CC2D2B: variants seen among roughly 807,000 people sequenced by gnomAD.
The protein encoded by CC2D2B is protein CC2D2B.
A neutral mutation model predicts 161.2 loss-of-function variants in CC2D2B; 128 were observed. The observed-to-expected ratio is 0.79, with a 90% CI of 0.69 to 0.92. The LOEUF is 0.92. CC2D2B is among the 40% of genes least tolerant of loss of function. The probability of loss-of-function intolerance (pLI) is 0.00; values close to 1 mark genes in which losing one functional copy is unlikely to be tolerated. For missense variants in CC2D2B, 1,173 were observed against 1,375.1 expected (o/e 0.85, Z 2.32); for synonymous variants, 391 against 449.8 (o/e 0.87, Z 1.65).
chr10:96,006,433 T>A (rs2078752459), intron 25 of CC2D2B, among the ~76,000 whole-genome samples: 2 of 151,550 alleles, frequency 1.3e-5, no homozygotes, highest in Non-Finnish European at 2.9e-5. Flanking sequence ...TAATACTGTA[T>A]CTTCGCATTT....
rs1188123119 is a variant in CC2D2B at position 95,993,859 on chromosome 10, G to T, written c.2642+1162G>T. On this transcript the variant is annotated intron_variant, in intron 22 of 34. Coordinates refer to ENST00000646931, the MANE Select transcript of CC2D2B (RefSeq NM_001349008.3). ...GTATATATATATATATATAGAGAGA[G>T]AGAGAGAGAGAGTGTATATATATAT... Among the ~76,000 whole-genome samples the T allele has an allele frequency of 5.8e-4, 71 of 123,452 alleles. 1 individual carries two copies. Among genetic ancestry groups the T allele is most frequent in the African/African-American group, 1.6e-3 (49 of 30,294 alleles). The allele number at this position is 123,452 out of a possible 152,430, so 81.0% of individuals were successfully genotyped here. A position where few individuals can be genotyped will look rare whatever the true frequency, so the allele number is the denominator to read the frequency against.
chr10:96,027,162 C>A, intron 33 of CC2D2B, 50 bp from the exon 34 acceptor site: 1 of 1,256,486 alleles, frequency 8.0e-7, no homozygotes, highest in Non-Finnish European at 1.1e-6. Flanking sequence ...ATTATATTTA[C>A]CAAATGAGTT....
intron 3 of CC2D2B, among the ~76,000 whole-genome samples, chr10:95,922,953 TA>T (rs1256899649): frequency 9.7e-4 from 107 of 110,496 alleles, no homozygotes; most frequent in African/African-American, 3.7e-3. Context: ...GCATGTATGT[TA>T]TTTTTTTTTT....
chr10:95,938,566 A>G lies in CC2D2B; in HGVS notation c.536-3A>G. The G allele has an allele frequency of 1.5e-6, 1 of 687,106 alleles. No homozygotes were observed. Among genetic ancestry groups the G allele is most frequent in the African/African-American group, 1.8e-5 (1 of 55,272 alleles). The allele number at this position is 687,106 out of a possible 1,614,324, so 42.6% of individuals were successfully genotyped here. On this transcript the variant is annotated splice_polypyrimidine_tract_variant and splice_region_variant and intron_variant, in intron 7 of 34. Transcript: ENST00000646931. Reference sequence around the variant, plus strand: ...GTAATATCTAAGTTTTATTGTTATAAAGTGGTTAACCAGCGCAAACTGCCA... The same window carrying G: ...GTAATATCTAAGTTTTATTGTTATAGAGTGGTTAACCAGCGCAAACTGCCA...
At chr10:95,962,937 C>G (rs921283674) in intron 12 of CC2D2B, among the ~76,000 whole-genome samples, 1 of 152,078 alleles carries the variant, frequency 6.6e-6, no homozygotes, top group African/African-American at 2.4e-5. Context: ...AAAGAGGAGA[C>G]ACAGATGTCG....
intron 9 of CC2D2B, among the ~76,000 whole-genome samples, chr10:95,945,966 G>A (rs1314344495): frequency 6.6e-6 from 1 of 151,880 alleles, no homozygotes; most frequent in East Asian, 1.9e-4. Context: ...TGTATTTTTA[G>A]TAGAGATGGG....
At chr10:96,013,444 GT>G (rs1335769837) in intron 28 of CC2D2B, among the ~76,000 whole-genome samples, 1 of 150,088 alleles carries the variant, frequency 6.7e-6, no homozygotes, top group African/African-American at 2.4e-5. Context: ...TAAAGTACAT[GT>G]TTAATGTGGA....
intron 2 of CC2D2B, 96 bp from the exon 3 acceptor site, chr10:95,921,920 A>C: frequency 1.5e-6 from 1 of 666,740 alleles, no homozygotes; most frequent in Admixed American, 3.0e-5. Context: ...TGTTGTGCAC[A>C]TGTACCCTAG....
chr10:96,008,279 T>C (rs2078845393), intron 25 of CC2D2B, among the ~76,000 whole-genome samples: 1 of 151,998 alleles, frequency 6.6e-6, no homozygotes, highest in Non-Finnish European at 1.5e-5. Context: ...ATAGCAGTAT[T>C]CCATTGATAA....
intron 33 of CC2D2B, among the ~76,000 whole-genome samples, chr10:96,026,641 C>T (rs1000055967): frequency 2.0e-5 from 3 of 152,072 alleles, no homozygotes; most frequent in Non-Finnish European, 2.9e-5. Flanking sequence ...TGCCTACATA[C>T]GGGTAACTGG....
chr10:95,974,141 GATCTTCTT>G lies in CC2D2B; in HGVS notation c.1930_1937del (p.Ser644LeufsTer21). On this transcript the variant is annotated frameshift_variant, in exon 17 of 35. Coordinates refer to ENST00000646931, the MANE Select transcript of CC2D2B (RefSeq NM_001349008.3). LOFTEE classifies it high-confidence loss of function. ...CTGATACCTATGCCACAATCATTAA[GATCTTCTT>G]ACTGCAGGTAATAAACTTTTATCTT... 1 of 1,230,616 alleles carries G rather than the reference GATCTTCTT, an allele frequency of 8.1e-7. No homozygotes were observed. Among genetic ancestry groups the G allele is most frequent in the Non-Finnish European group, 1.0e-6 (1 of 986,660 alleles). 76.2% of individuals were successfully genotyped at this position (1,230,616 alleles called of 1,614,324 possible).
chr10:95,940,353 A>G (rs2075979589), intron 9 of CC2D2B, among the ~76,000 whole-genome samples: 1 of 152,188 alleles, frequency 6.6e-6, no homozygotes, highest in Admixed American at 6.6e-5. Flanking sequence ...TCCAAACCAT[A>G]TCACTCTTAA....
intron 10 of CC2D2B, chr10:95,950,504 T>A (rs1317834938): frequency 1.3e-5 from 2 of 152,764 alleles, no homozygotes. Context: ...AGTCATCTCA[T>A]GACATCATGA....
Position 95,974,061 on chromosome 10 carries a change from A to T in CC2D2B, c.1848A>T (p.Thr616=), listed in dbSNP as rs1002732222. Reference sequence around the variant, plus strand: ...GAACTGAAGAACTCTGTCTTTTGACATCAGGAAAACTTAGCTATTCTCTAT... The same window carrying T: ...GAACTGAAGAACTCTGTCTTTTGACTTCAGGAAAACTTAGCTATTCTCTAT... ...GNGTEELCLL[T]SGKLSYSLSW... is the part of the protein sequence containing the mutation. Residue 616 remains threonine, a synonymous_variant, in exon 17 of 35, where the codon ACA becomes ACT. Coordinates refer to ENST00000646931, the MANE Select transcript of CC2D2B (RefSeq NM_001349008.3). 8.1e-7 allele frequency: 1 copy of T among 1,231,414 alleles called. No individual in the cohort carries two copies. Among genetic ancestry groups the T allele is most frequent in the African/African-American group, 1.6e-5 (1 of 64,414 alleles). 76.3% of individuals were successfully genotyped at this position (1,231,414 alleles called of 1,614,324 possible).
chr10:95,936,805 C>A (rs553762393), intron 6 of CC2D2B, among the ~76,000 whole-genome samples: 2 of 152,236 alleles, frequency 1.3e-5, no homozygotes, highest in African/African-American at 4.8e-5. Context: ...AAGATGAGAG[C>A]CCAGCGTAGT....
At chr10:95,985,778 C>A (rs953690520) in intron 19 of CC2D2B, among the ~76,000 whole-genome samples, 2 of 152,142 alleles carry the variant, frequency 1.3e-5, no homozygotes, top group African/African-American at 2.4e-5. Context: ...TCACTGAATT[C>A]TTTTTCTCAG....
chr10:95,932,775 G>C (rs146496707), intron 6 of CC2D2B, among the ~76,000 whole-genome samples: 276 of 152,258 alleles, frequency 1.8e-3, no homozygotes, highest in Non-Finnish European at 3.1e-3. Context: ...ACTTCCCTTT[G>C]TGGGTAACTT....
chr10:96,027,491 A>T (rs2079833600), intron 34 of CC2D2B, 102 bp downstream of exon 34: 1 of 762,272 alleles, frequency 1.3e-6, no homozygotes, highest in African/African-American at 1.8e-5. Flanking sequence ...TTTTATCTTG[A>T]TCCTTAAAGA....
chr10:96,025,168 T>TATATATAAAAAAA (rs2079659956), intron 33 of CC2D2B, among the ~76,000 whole-genome samples: 2 of 12,522 alleles, frequency 1.6e-4, no homozygotes, highest in African/African-American at 4.7e-4. Flanking sequence ...TATATATATA[T>TATATATAAAAAAA]ATATATATAT....
Sources: gnomAD v4.1 joint callset for allele counts (sites outside exome capture counted in the v4.1 genomes callset) on GRCh38, gnomAD v4.1.1 for gene constraint, MANE v1.5 for transcripts, NCBI Gene and HGNC (gene_info 2026-07-23, HGNC 2026-07-21) for gene names.